The following NEK11 variants were observed in gnomAD, a reference collection of about 807,000 sequenced individuals.
The protein encoded by NEK11 is serine/threonine-protein kinase Nek11.
A neutral mutation model predicts 80.7 loss-of-function variants in NEK11; 72 were observed. The observed-to-expected ratio is 0.89, with a 90% CI of 0.74 to 1.08. The LOEUF is 1.08. NEK11 is among the 50% of genes least tolerant of loss of function. The pLI is 0.00. For missense variants in NEK11, 764 were observed against 763.6 expected (o/e 1.00, Z -0.01); for synonymous variants, 251 against 260.7 (o/e 0.96, Z 0.36).
chr3:131,108,857 A>G (rs2149338215), intron 4 of NEK11, among the ~76,000 whole-genome samples: 1 of 152,174 alleles, frequency 6.6e-6, no homozygotes, highest in East Asian at 1.9e-4. Flanking sequence ...CCCAATGCGC[A>G]TGGTACCCTG....
intron 5 of NEK11, among the ~76,000 whole-genome samples, chr3:131,120,462 T>C (rs930380807): frequency 2.0e-5 from 3 of 152,098 alleles, no homozygotes; most frequent in Admixed American, 6.6e-5. Flanking sequence ...TGGCTTGGAG[T>C]TGCTCGTCTT....
intron 7 of NEK11, among the ~76,000 whole-genome samples, chr3:131,136,565 C>T (rs759840473): frequency 6.6e-6 from 1 of 152,050 alleles, no homozygotes; most frequent in Non-Finnish European, 1.5e-5. Context: ...GAGAATTGGC[C>T]TAATACTAGT....
chr3:131,249,491 AG>A (rs906478866), intron 16 of NEK11, among the ~76,000 whole-genome samples: 1 of 152,144 alleles, frequency 6.6e-6, no homozygotes, highest in Non-Finnish European at 1.5e-5. Flanking sequence ...TCAAGACAGA[AG>A]AAAACAGACT....
At chr3:131,292,723 T>G (rs535804307) in intron 17 of NEK11, among the ~76,000 whole-genome samples, 1 of 152,262 alleles carries the variant, frequency 6.6e-6, no homozygotes, top group South Asian at 2.1e-4. Flanking sequence ...TGTTATCCAT[T>G]AGTATAAAAT....
intron 3 of NEK11, among the ~76,000 whole-genome samples, chr3:131,044,123 G>C (rs931197327): frequency 2.8e-4 from 42 of 152,006 alleles, no homozygotes; most frequent in Admixed American, 3.3e-4. Context: ...AGGAGAAACC[G>C]GTACCAGCCA....
intron 17 of NEK11, among the ~76,000 whole-genome samples, chr3:131,340,087 T>TG (rs2097262059): frequency 1.3e-5 from 2 of 152,300 alleles, no homozygotes; most frequent in East Asian, 3.9e-4. Flanking sequence ...ATTGGACAAT[T>TG]GGGGGAAATC....
At chr3:131,276,253 G>A (rs2096288322) in intron 17 of NEK11, among the ~76,000 whole-genome samples, 1 of 152,228 alleles carries the variant, frequency 6.6e-6, no homozygotes, top group Admixed American at 6.5e-5. Flanking sequence ...CAGAGATGGA[G>A]ATTAATGTGT....
chr3:131,338,486 T>C (rs1195639302), intron 17 of NEK11, among the ~76,000 whole-genome samples: 1 of 152,012 alleles, frequency 6.6e-6, no homozygotes, highest in Non-Finnish European at 1.5e-5. Context: ...GAAATTCCAC[T>C]CCTAGGTATT....
intron 3 of NEK11, among the ~76,000 whole-genome samples, chr3:131,078,149 G>T (rs1231262040): frequency 6.6e-6 from 1 of 152,176 alleles, no homozygotes; most frequent in Non-Finnish European, 1.5e-5. Flanking sequence ...GCTGTTGGTT[G>T]TCTTTTGGGA....
intron 17 of NEK11, among the ~76,000 whole-genome samples, chr3:131,297,871 T>C (rs1482388616): frequency 2.0e-5 from 3 of 152,246 alleles, no homozygotes; most frequent in African/African-American, 7.2e-5. Flanking sequence ...CAGTTTCGGC[T>C]TTCTACATAT....
intron 14 of NEK11, among the ~76,000 whole-genome samples, chr3:131,213,856 T>TA (rs1417577204): frequency 1.3e-5 from 2 of 152,194 alleles, no homozygotes; most frequent in African/African-American, 4.8e-5. Flanking sequence ...ATTGAAACCC[T>TA]AATCCCCAGT....
intron 10 of NEK11, among the ~76,000 whole-genome samples, chr3:131,161,147 C>T (rs1312711730): frequency 9.3e-6 from 1 of 107,788 alleles, no homozygotes; most frequent in Non-Finnish European, 2.0e-5. Flanking sequence ...AAGACTCCAT[C>T]TCAAAAAAAA....
chr3:131,333,637 T>C (rs2097132655), intron 17 of NEK11, among the ~76,000 whole-genome samples: 2 of 152,102 alleles, frequency 1.3e-5, no homozygotes. Flanking sequence ...TAAATGTAAA[T>C]GGACTAAATG....
At chr3:131,315,405 C>G (rs911762837) in intron 17 of NEK11, among the ~76,000 whole-genome samples, 3 of 152,034 alleles carry the variant, frequency 2.0e-5, no homozygotes, top group Non-Finnish European at 4.4e-5. Context: ...ACAATGTCCT[C>G]TAAGTTCATC....
intron 17 of NEK11, among the ~76,000 whole-genome samples, chr3:131,295,358 T>G (rs939310104): frequency 6.6e-6 from 1 of 152,158 alleles, no homozygotes; most frequent in South Asian, 2.1e-4. Flanking sequence ...ACCTGAAATT[T>G]GAAATGCTCC....
chr3:131,189,375 T>C (rs1401338920), intron 14 of NEK11, among the ~76,000 whole-genome samples: 1 of 152,216 alleles, frequency 6.6e-6, no homozygotes, highest in Non-Finnish European at 1.5e-5. Flanking sequence ...AATTTATTTA[T>C]TACCATTCTG....
intron 14 of NEK11, among the ~76,000 whole-genome samples, chr3:131,187,188 A>G (rs560373007): frequency 3.3e-5 from 5 of 152,294 alleles, no homozygotes; most frequent in Admixed American, 2.0e-4. Context: ...AGTTAAATAC[A>G]ATTAAAAATC....
intron 3 of NEK11, among the ~76,000 whole-genome samples, chr3:131,052,336 C>T (rs752421708): frequency 2.2e-4 from 33 of 152,060 alleles, no homozygotes; most frequent in Non-Finnish European, 4.1e-4. Context: ...AAAAATATCA[C>T]TGCAGTGGAT....
intron 3 of NEK11, among the ~76,000 whole-genome samples, chr3:131,070,451 C>G (rs2073065973): frequency 6.6e-6 from 1 of 152,080 alleles, no homozygotes; most frequent in South Asian, 2.1e-4. Context: ...AACACTGCCT[C>G]CCTCTTCTGT....
Sources: allele counts gnomAD v4.1 joint callset (sites outside exome capture counted in the v4.1 genomes callset), GRCh38; gene constraint gnomAD v4.1.1; transcripts MANE v1.5; gene names NCBI Gene and HGNC (gene_info 2026-07-23, HGNC 2026-07-21).